The following FHIT variants were observed in gnomAD, a reference collection of about 807,000 sequenced individuals.
FHIT encodes fragile histidine triad diadenosine triphosphatase.
FHIT carries 19 observed loss-of-function variants against 17.9 expected under a neutral mutation model. That is an observed-to-expected ratio of 1.06 (90% CI 0.74 to 1.56). The LOEUF is 1.56. FHIT is among the 40% of genes most tolerant of loss of function. The pLI is 0.00. For synonymous variants in FHIT, 81 were observed against 69.7 expected, an observed-to-expected ratio of 1.16 and a Z score of -0.81; for missense variants, 248 against 189.2, an observed-to-expected ratio of 1.31 and a Z score of -1.82.
intron 8 of FHIT, among the ~76,000 whole-genome samples, chr3:59,856,557 T>G (rs564551876): frequency 3.9e-4 from 59 of 152,358 alleles, no homozygotes; most frequent in Non-Finnish European, 5.9e-4. Context: ...CAGACCATTC[T>G]TCTTAGTAGT....
At chr3:60,976,257 C>T (rs1710247268) in intron 3 of FHIT, among the ~76,000 whole-genome samples, 1 of 151,784 alleles carries the variant, frequency 6.6e-6, no homozygotes, top group African/African-American at 2.4e-5. Flanking sequence ...CAGGCACATG[C>T]TATCATGCCT....
At chr3:60,563,753 G>C (rs749348857) in intron 4 of FHIT, among the ~76,000 whole-genome samples, 1 of 152,178 alleles carries the variant, frequency 6.6e-6, no homozygotes, top group Non-Finnish European at 1.5e-5. Flanking sequence ...TGAAGTCTGA[G>C]AGAGGTGAGG....
At chr3:60,859,234 C>T (rs1321789032) in intron 3 of FHIT, among the ~76,000 whole-genome samples, 1 of 152,114 alleles carries the variant, frequency 6.6e-6, no homozygotes, top group East Asian at 1.9e-4. Context: ...CTCTGGGCTC[C>T]TCATAGACCT....
At chr3:59,927,800 A>G (rs537590946) in intron 7 of FHIT, among the ~76,000 whole-genome samples, 4 of 151,934 alleles carry the variant, frequency 2.6e-5, no homozygotes, top group African/African-American at 9.7e-5. Context: ...AAAACCCAAA[A>G]CTTAACTGCA....
chr3:59,918,990 G>A (rs1705274401), intron 8 of FHIT, among the ~76,000 whole-genome samples: 1 of 152,096 alleles, frequency 6.6e-6, no homozygotes. Flanking sequence ...TTTCCTCTAA[G>A]TTAAAAAGAA....
intron 1 of FHIT, among the ~76,000 whole-genome samples, chr3:61,208,483 T>C (rs889921050): frequency 6.6e-6 from 1 of 152,124 alleles, no homozygotes; most frequent in African/African-American, 2.4e-5. Flanking sequence ...ACTTGCTTTA[T>C]GAATCTGGGT....
At chr3:60,544,660 G>C (rs774875074) in intron 4 of FHIT, among the ~76,000 whole-genome samples, 9 of 138,812 alleles carry the variant, frequency 6.5e-5, no homozygotes, top group African/African-American at 2.2e-4. Flanking sequence ...ACAGTGGCAC[G>C]ATCTGGGCTC....
At chr3:61,053,440 C>T (rs757208810) in intron 2 of FHIT, among the ~76,000 whole-genome samples, 11 of 152,100 alleles carry the variant, frequency 7.2e-5, no homozygotes, top group Non-Finnish European at 1.5e-4. Context: ...AGGTGGATCA[C>T]CTGAGGTCAG....
At chr3:60,655,629 A>T (rs1187441383) in intron 4 of FHIT, among the ~76,000 whole-genome samples, 1 of 152,142 alleles carries the variant, frequency 6.6e-6, no homozygotes, top group African/African-American at 2.4e-5. Flanking sequence ...ATCAAAGATT[A>T]TCCAGTATCA....
At chr3:60,266,123 C>T (rs2107618380) in intron 5 of FHIT, among the ~76,000 whole-genome samples, 1 of 151,990 alleles carries the variant, frequency 6.6e-6, no homozygotes. Context: ...CAGCATCATC[C>T]ATAAAAGCCT....
rs9855887 is a variant in FHIT at position 59,905,777 on chromosome 3, G to A, written c.348+16569C>T. 8.0e-3 allele frequency among the ~76,000 whole-genome samples: 1,215 copies of A among 152,096 alleles called. 23 individuals are homozygous for A. Among genetic ancestry groups the A allele is most frequent in the African/African-American group, 0.028 (1,151 of 41,480 alleles). ...TACGTAACTTCCTCCTGTGACAGAA[G>A]AACAAAAACGTCAACGTTCACAGCT... is the stretch of plus-strand genomic sequence containing the variant. On this transcript the variant is annotated intron_variant, in intron 8 of 9. Coordinates refer to ENST00000492590, the MANE Select transcript of FHIT (RefSeq NM_002012.4).
chr3:60,278,942 T>C (rs213360), intron 5 of FHIT, among the ~76,000 whole-genome samples: 6,471 of 151,860 alleles, frequency 0.043, 214 homozygotes, highest in South Asian at 0.078. Context: ...AGAAGAAAGA[T>C]CTAAAATCAA....
intron 5 of FHIT, among the ~76,000 whole-genome samples, chr3:60,299,534 C>T (rs888524449): frequency 1.3e-4 from 20 of 152,090 alleles, no homozygotes; most frequent in African/African-American, 4.6e-4. Flanking sequence ...AAATATGATG[C>T]CACTTTTGCC....
chr3:59,818,079 C>T (rs1700665131), intron 8 of FHIT, among the ~76,000 whole-genome samples: 1 of 150,874 alleles, frequency 6.6e-6, no homozygotes, highest in East Asian at 2.0e-4. Flanking sequence ...GAGAGGAGAG[C>T]ACTGTATTAA....
chr3:60,860,148 G>GATATATGATA (rs1559778053), intron 3 of FHIT, among the ~76,000 whole-genome samples: 2,640 of 75,218 alleles, frequency 0.035, 589 homozygotes, highest in African/African-American at 0.063. Flanking sequence ...TATACATATG[G>GATATATGATA]TATATATGAT....
chr3:60,760,847 T>A (rs1429496371), intron 4 of FHIT, among the ~76,000 whole-genome samples: 2 of 152,298 alleles, frequency 1.3e-5, no homozygotes, highest in South Asian at 4.1e-4. Flanking sequence ...GGAATGATCC[T>A]TTGCCCGTGA....
In FHIT at chr3:59,872,595, G is replaced by T. The variant is rs73839554; in HGVS notation, c.348+49751C>A. On this transcript the variant is annotated intron_variant, in intron 8 of 9. Transcript: ENST00000492590. ...CAAATGCAGAGTTTTCCACCAGGTT[G>T]CATAGTGAGAGTCATATTTTGAATG... is the stretch of plus-strand genomic sequence containing the variant. Among the ~76,000 whole-genome samples the T allele has an allele frequency of 9.8e-3, 1,490 of 152,242 alleles. 24 individuals carry two copies. Among genetic ancestry groups the T allele is most frequent in the African/African-American group, 0.034 (1,426 of 41,542 alleles).
At chr3:60,389,931 C>A (rs767623303) in intron 5 of FHIT, among the ~76,000 whole-genome samples, 1 of 152,102 alleles carries the variant, frequency 6.6e-6, no homozygotes, top group Non-Finnish European at 1.5e-5. Flanking sequence ...GACTTAGAGG[C>A]AAGTGTGACG....
rs567873686 is a variant in FHIT at position 60,213,357 on chromosome 3, G to A, written c.104-199205C>T. ...ACCCACAGCTTTTTTGTGTCAAGTCGTCTCTCTACATAGATCAGATTTCAC... is the reference window on the plus strand; with the variant it reads ...ACCCACAGCTTTTTTGTGTCAAGTCATCTCTCTACATAGATCAGATTTCAC... On this transcript the variant is annotated intron_variant, in intron 5 of 9. Coordinates refer to ENST00000492590, the MANE Select transcript of FHIT (RefSeq NM_002012.4). 4.6e-5 allele frequency among the ~76,000 whole-genome samples: 7 copies of A among 152,156 alleles called. No individual in the cohort carries two copies. In the South Asian group the frequency reaches 1.0e-3, roughly 23 times the overall value.
Sources: gnomAD v4.1 joint callset for allele counts (sites outside exome capture counted in the v4.1 genomes callset) on GRCh38, gnomAD v4.1.1 for gene constraint, MANE v1.5 for transcripts, NCBI Gene and HGNC (gene_info 2026-07-23, HGNC 2026-07-21) for gene names.